Variants in PSME3IP1 observed in about 807,000 individuals in gnomAD.
PSME3IP1 encodes proteasome activator subunit 3 interacting protein 1.
Under a neutral mutation model 34.1 loss-of-function variants are expected in PSME3IP1, and 13 were observed. The ratio of observed to expected loss-of-function variants is 0.38; its 90% CI spans 0.25 to 0.61. The LOEUF (loss-of-function observed/expected upper bound fraction) is 0.61, where lower values mean the gene tolerates loss of function less well. PSME3IP1 is among the 20% of genes least tolerant of loss of function. The pLI is 0.60. For synonymous variants in PSME3IP1, 93 were observed against 114.3 expected, an observed-to-expected ratio of 0.81 and a Z score of 1.19; for missense variants, 237 against 301.4, an observed-to-expected ratio of 0.79 and a Z score of 1.58.
chr16:57,161,941 G>A (rs2071299054), intron 6 of PSME3IP1, among the ~76,000 whole-genome samples: 1 of 152,120 alleles, frequency 6.6e-6, no homozygotes, highest in Non-Finnish European at 1.5e-5. Flanking sequence ...TCTCGCTCTT[G>A]TTGCCCAGGC....
intron 4 of PSME3IP1, among the ~76,000 whole-genome samples, chr16:57,171,862 A>G (rs1339874112): frequency 6.6e-6 from 1 of 152,238 alleles, no homozygotes; most frequent in African/African-American, 2.4e-5. Flanking sequence ...CTATCAGGAC[A>G]GGGCATGCTA....
Position 57,165,707 on chromosome 16 carries a change from G to A in PSME3IP1, c.482+1386C>T, listed in dbSNP as rs147036654. ...AGGTGATTCCAATAAACTCAGGGTCGGACAGATTAGGAACTCCTGCCCCAG... is the reference window on the plus strand; with the variant it reads ...AGGTGATTCCAATAAACTCAGGGTCAGACAGATTAGGAACTCCTGCCCCAG... On this transcript the variant is annotated intron_variant, in intron 5 of 6. Transcript: ENST00000309137. Among the ~76,000 whole-genome samples the A allele has an allele frequency of 9.1e-4, 138 of 152,042 alleles. 1 individual carries two copies. The highest frequency in any genetic ancestry group is 3.0e-3 in the African/African-American group (124 of 41,434).
rs74544530 is a variant in PSME3IP1 at position 57,154,485 on chromosome 16, G to A, written c.570C>T (p.Leu190=). 3,857 of 1,611,410 alleles carry A rather than the reference G, an allele frequency of 2.4e-3. 85 individuals carry two copies. In the African/African-American group the frequency reaches 0.045, roughly 19 times the overall value. The stretch of plus-strand genomic sequence containing the variant: ...AGGGGCCACTCAGGGAGGTGTTTCC[G>A]AGAGACTTGCAGGATGAGGGCTCTG... ...KNQEPSSCKS[L]GNTSLSGPSI... Residue 190 remains leucine, a synonymous_variant, in exon 7 of 7, where the codon CTC becomes CTT. Coordinates refer to ENST00000309137, the MANE Select transcript of PSME3IP1 (RefSeq NM_024946.4). The surrounding 1 kb of genome is among the most constrained non-coding windows in gnomAD (Gnocchi z 4.0).
At chr16:57,164,577 T>C (rs1169242649) in intron 5 of PSME3IP1, among the ~76,000 whole-genome samples, 2 of 152,154 alleles carry the variant, frequency 1.3e-5, no homozygotes, top group Admixed American at 1.3e-4. Context: ...AACTGGCAAA[T>C]ACAAATATAA....
intron 4 of PSME3IP1, among the ~76,000 whole-genome samples, chr16:57,167,633 G>A (rs2072052257): frequency 6.6e-6 from 1 of 152,168 alleles, no homozygotes; most frequent in Non-Finnish European, 1.5e-5. Flanking sequence ...GCAGAATGTT[G>A]TTCTGACTAT....
intron 5 of PSME3IP1, among the ~76,000 whole-genome samples, chr16:57,166,766 T>A (rs2071925127): frequency 6.6e-6 from 1 of 152,216 alleles, no homozygotes; most frequent in African/African-American, 2.4e-5. Flanking sequence ...GGTCTTCTCA[T>A]CTACAAAACA....
At chr16:57,168,092 T>C (rs1192667865) in intron 4 of PSME3IP1, among the ~76,000 whole-genome samples, 2 of 152,216 alleles carry the variant, frequency 1.3e-5, no homozygotes, top group Admixed American at 6.5e-5. Context: ...CTCCGTTTTA[T>C]GCTCTCTCTT....
chr16:57,184,970 G>A (rs902155097), intron 1 of PSME3IP1, among the ~76,000 whole-genome samples: 3 of 152,200 alleles, frequency 2.0e-5, no homozygotes, highest in African/African-American at 7.2e-5. Flanking sequence ...TATTTCAGAA[G>A]GGTGCCTTCC....
chr16:57,163,356 T>A lies in PSME3IP1; in HGVS notation c.547+645A>T, dbSNP rs1464888768. ...AGTAGATGCATATTAAAAAGCATCA[T>A]CTTTTTTTGAGAGAAATTAATGTAA... is the stretch of plus-strand genomic sequence containing the variant. On this transcript the variant is annotated intron_variant, in intron 6 of 6. Coordinates refer to ENST00000309137, the MANE Select transcript of PSME3IP1 (RefSeq NM_024946.4). Among the ~76,000 whole-genome samples the A allele has an allele frequency of 3.9e-5, 6 of 152,142 alleles. 1 individual carries two copies. The highest frequency in any genetic ancestry group is 2.6e-4 in the Admixed American group (4 of 15,268).
intron 4 of PSME3IP1, 101 bp downstream of exon 4, chr16:57,172,150 C>A: frequency 8.0e-7 from 1 of 1,257,722 alleles, no homozygotes; most frequent in Non-Finnish European, 1.1e-6. Context: ...TGAGAGATCA[C>A]CAGGTAGAAA....
chr16:57,174,285 T>C (rs1376411905), intron 1 of PSME3IP1: 4 of 302,784 alleles, frequency 1.3e-5, no homozygotes, highest in Non-Finnish European at 1.9e-5. Context: ...CAGGGCAAGA[T>C]TCTGTCTCAA....
chr16:57,176,286 C>T (rs2073164559), intron 1 of PSME3IP1, among the ~76,000 whole-genome samples: 1 of 152,188 alleles, frequency 6.6e-6, no homozygotes, highest in East Asian at 1.9e-4. Flanking sequence ...AACCGTGTCT[C>T]CTTTCTCATC....
intron 1 of PSME3IP1, among the ~76,000 whole-genome samples, chr16:57,177,592 G>A (rs572589512): frequency 1.2e-4 from 19 of 152,170 alleles, no homozygotes; most frequent in East Asian, 5.8e-4. Flanking sequence ...AAAGGCAAGC[G>A]TTGCAGGGGA....
chr16:57,178,599 G>T (rs2073413327), intron 1 of PSME3IP1: 1 of 985,244 alleles, frequency 1.0e-6, no homozygotes, highest in Non-Finnish European at 1.2e-6. Context: ...TATAGAGATT[G>T]GTAGCCATCA....
intron 6 of PSME3IP1, among the ~76,000 whole-genome samples, chr16:57,163,096 C>T (rs942176299): frequency 1.3e-5 from 2 of 151,836 alleles, no homozygotes; most frequent in African/African-American, 4.8e-5. Flanking sequence ...GCCCAGGAGG[C>T]GGAGGTTGCA....
At chr16:57,161,235 G>T (rs2071185928) in intron 6 of PSME3IP1, among the ~76,000 whole-genome samples, 1 of 152,186 alleles carries the variant, frequency 6.6e-6, no homozygotes. Flanking sequence ...CAAGTTGGAA[G>T]ACTCACACTT....
chr16:57,169,710 C>T (rs1009266455), intron 4 of PSME3IP1, among the ~76,000 whole-genome samples: 1 of 152,168 alleles, frequency 6.6e-6, no homozygotes, highest in East Asian at 1.9e-4. Context: ...TTGGGGGACA[C>T]TATATGTCTT....
chr16:57,184,437 TTTTTTAAAC>T (rs1323611537), intron 1 of PSME3IP1, among the ~76,000 whole-genome samples: 1 of 152,252 alleles, frequency 6.6e-6, no homozygotes, highest in Non-Finnish European at 1.5e-5. Flanking sequence ...AAACAATCTT[TTTTTTAAAC>T]TTGTCGATAC....
In PSME3IP1 at chr16:57,153,351, TATA is replaced by T. The variant is rs1482007148; in HGVS notation, c.*936_*938del. 6.6e-6 allele frequency: 1 copy of T among 152,138 alleles called. No individual in the cohort carries two copies. Among genetic ancestry groups the T allele is most frequent in the Non-Finnish European group, 1.5e-5 (1 of 68,038 alleles). The allele number at this position is 152,138 out of a possible 1,614,324, so 9.4% of individuals were successfully genotyped here. ...TAGATTCCACAGTTAAAAGCACAAG[TATA>T]ATATGCATTAAACAGAGAAGGGCCT... On this transcript the variant is annotated 3_prime_UTR_variant, in exon 7 of 7. Transcript: ENST00000309137.
Sources: gnomAD v4.1 joint callset for allele counts (sites outside exome capture counted in the v4.1 genomes callset) on GRCh38, gnomAD v4.1.1 for gene constraint, Gnocchi (gnomAD v3.1) non-coding constraint, MANE v1.5 for transcripts, NCBI Gene and HGNC (gene_info 2026-07-23, HGNC 2026-07-21) for gene names.